Variants in AMPH observed in about 807,000 individuals in gnomAD.
AMPH encodes amphiphysin.
A neutral mutation model predicts 99.1 loss-of-function variants in AMPH; 49 were observed. That is an observed-to-expected ratio of 0.49 (90% CI 0.39 to 0.63). The LOEUF is 0.63. AMPH is among the 20% of genes least tolerant of loss of function. AMPH has a pLI of 0.00. For synonymous variants in AMPH, 314 were observed against 317.3 expected (o/e 0.99, Z 0.11); for missense variants, 759 against 863.4 (o/e 0.88, Z 1.52).
At chr7:38,403,293 G>A (rs1372900888) in intron 17 of AMPH, among the ~76,000 whole-genome samples, 1 of 152,202 alleles carries the variant, frequency 6.6e-6, no homozygotes, top group Non-Finnish European at 1.5e-5. Context: ...AGGTGGGGGT[G>A]CTTCTCTACT....
At chr7:38,539,036 A>G (rs1364085478) in intron 1 of AMPH, among the ~76,000 whole-genome samples, 1 of 152,232 alleles carries the variant, frequency 6.6e-6, no homozygotes, top group East Asian at 1.9e-4. Flanking sequence ...TTCAGAAAGA[A>G]GTGAGCTGAA....
intron 1 of AMPH, among the ~76,000 whole-genome samples, chr7:38,546,074 G>A (rs999806300): frequency 4.6e-5 from 7 of 152,130 alleles, no homozygotes; most frequent in African/African-American, 1.4e-4. Flanking sequence ...CCACGTGGTC[G>A]TTTTCTAAAG....
At chr7:38,575,057 A>G (rs866240945) in intron 1 of AMPH, among the ~76,000 whole-genome samples, 10,139 of 149,542 alleles carry the variant, frequency 0.068, 303 homozygotes, top group Non-Finnish European at 0.1. Context: ...TGTCTAAAAA[A>G]AAAAAAAAAA....
intron 1 of AMPH, among the ~76,000 whole-genome samples, chr7:38,612,202 A>G (rs10249601): frequency 0.086 from 12,437 of 144,068 alleles, 845 homozygotes; most frequent in African/African-American, 0.19. Flanking sequence ...TCAGCCTCCC[A>G]AGTAGCTGGG....
intron 14 of AMPH, chr7:38,429,495 C>A (rs936929040): frequency 7.5e-7 from 1 of 1,337,138 alleles, no homozygotes; most frequent in South Asian, 1.2e-5. Context: ...ATTTTGAGAT[C>A]TTTGAATTTC....
chr7:38,542,238 T>C (rs1250467985), intron 1 of AMPH, among the ~76,000 whole-genome samples: 3 of 152,144 alleles, frequency 2.0e-5, no homozygotes, highest in African/African-American at 2.4e-5. Context: ...ACCCAGAGTA[T>C]AATAATTATA....
At chr7:38,592,906 G>A (rs578122571) in intron 1 of AMPH, among the ~76,000 whole-genome samples, 14 of 152,192 alleles carry the variant, frequency 9.2e-5, no homozygotes, top group Middle Eastern at 3.4e-3. Flanking sequence ...GCCAACCTGC[G>A]GCATATTCTA....
intron 7 of AMPH, among the ~76,000 whole-genome samples, chr7:38,472,706 G>A (rs563931890): frequency 6.1e-4 from 93 of 152,286 alleles, no homozygotes; most frequent in African/African-American, 2.2e-3. Flanking sequence ...TTGATCGAAA[G>A]GCAGGATCTG....
intron 11 of AMPH, among the ~76,000 whole-genome samples, chr7:38,453,909 T>C (rs968848302): frequency 6.6e-6 from 1 of 152,338 alleles, no homozygotes; most frequent in East Asian, 1.9e-4. Context: ...AGCTGGGCAG[T>C]AGCAAATGCA....
In AMPH at chr7:38,543,049, G is replaced by A. The variant is rs533060948; in HGVS notation, c.70-8038C>T. Among the ~76,000 whole-genome samples, 5 of 151,518 alleles carry A rather than the reference G, an allele frequency of 3.3e-5. 1 individual carries two copies. Among genetic ancestry groups the A allele is most frequent in the East Asian group, 1.9e-4 (1 of 5,132 alleles). ...GCAGAGGTTGCAGTGAGCCGAGATCGTGCCACTGCACTCCAGCCCAGGTGA... is the reference window on the plus strand; with the variant it reads ...GCAGAGGTTGCAGTGAGCCGAGATCATGCCACTGCACTCCAGCCCAGGTGA... On this transcript the variant is annotated intron_variant, in intron 1 of 20. Coordinates refer to ENST00000356264, the MANE Select transcript of AMPH (RefSeq NM_001635.4).
chr7:38,583,291 T>C (rs1343803926), intron 1 of AMPH, among the ~76,000 whole-genome samples: 1 of 152,232 alleles, frequency 6.6e-6, no homozygotes, highest in East Asian at 1.9e-4. Flanking sequence ...GACTTTATTC[T>C]TCAATCTTTC....
Position 38,384,565 on chromosome 7 carries a change from G to T in AMPH, c.*253C>A, listed in dbSNP as rs1232790680. 1 of 389,876 alleles carries T rather than the reference G, an allele frequency of 2.6e-6. No homozygotes were observed. Among genetic ancestry groups the T allele is most frequent in the Non-Finnish European group, 4.8e-6 (1 of 208,008 alleles). 24.2% of individuals were successfully genotyped at this position (389,876 alleles called of 1,614,324 possible). On this transcript the variant is annotated 3_prime_UTR_variant, in exon 21 of 21. Transcript: ENST00000356264. The stretch of plus-strand genomic sequence containing the variant: ...TGGTGGGAGGGGATCAAGTACAAGA[G>T]TCTCCACAGCTTGGACAAAGCACAA...
intron 5 of AMPH, among the ~76,000 whole-genome samples, chr7:38,484,823 C>T (rs1350949098): frequency 6.6e-6 from 1 of 151,610 alleles, no homozygotes; most frequent in East Asian, 1.9e-4. Flanking sequence ...TAAATATATG[C>T]AAATTTTGAC....
At chr7:38,468,079 G>T (rs1020869460) in intron 7 of AMPH, among the ~76,000 whole-genome samples, 1 of 152,102 alleles carries the variant, frequency 6.6e-6, no homozygotes, top group African/African-American at 2.4e-5. Flanking sequence ...GAAGGTATTT[G>T]CTGGTAAAAG....
chr7:38,444,079 T>C (rs1271210485), intron 11 of AMPH, among the ~76,000 whole-genome samples: 1 of 152,164 alleles, frequency 6.6e-6, no homozygotes, highest in Non-Finnish European at 1.5e-5. Context: ...AAAAACATGA[T>C]TTATAATAAC....
chr7:38,568,262 G>A (rs185894210), intron 1 of AMPH, among the ~76,000 whole-genome samples: 20 of 152,250 alleles, frequency 1.3e-4, no homozygotes, highest in South Asian at 2.1e-4. Flanking sequence ...TCAGGAGATC[G>A]AGACCATCTT....
At chr7:38,488,720 A>C (rs1034381881) in intron 5 of AMPH, among the ~76,000 whole-genome samples, 1 of 152,188 alleles carries the variant, frequency 6.6e-6, no homozygotes, top group African/African-American at 2.4e-5. Context: ...CTGAGAAAGA[A>C]GTTACGAGAG....
At chr7:38,401,353 C>T (rs73118144) in intron 17 of AMPH, among the ~76,000 whole-genome samples, 34,662 of 152,084 alleles carry the variant, frequency 0.23, 4,314 homozygotes, top group Non-Finnish European at 0.27. Context: ...AATGAACTTC[C>T]AAGTGCCCAC....
chr7:38,524,331 C>T (rs1790082113), intron 2 of AMPH, among the ~76,000 whole-genome samples: 1 of 152,152 alleles, frequency 6.6e-6, no homozygotes, highest in Non-Finnish European at 1.5e-5. Context: ...CAATTAGGGG[C>T]AACAGGTGAC....
Sources: allele counts gnomAD v4.1 joint callset (sites outside exome capture counted in the v4.1 genomes callset), GRCh38; gene constraint gnomAD v4.1.1; transcripts MANE v1.5; gene names NCBI Gene and HGNC (gene_info 2026-07-23, HGNC 2026-07-21).